The following LRFN5 variants were observed in gnomAD, a reference collection of about 807,000 sequenced individuals.
The protein encoded by LRFN5 is leucine rich repeat and fibronectin type III domain containing 5.
LRFN5 carries 24 observed loss-of-function variants against 45.6 expected under a neutral mutation model. The observed-to-expected ratio is 0.53, with a 90% CI of 0.38 to 0.74. The LOEUF is 0.74. Ranked by LOEUF, LRFN5 falls within the 30% of genes least tolerant of loss-of-function variation. The pLI is 0.00. For synonymous variants in LRFN5, 340 were observed against 313.8 expected (o/e 1.08, Z -0.88); for missense variants, 776 against 861.5 (o/e 0.90, Z 1.24).
chr14:41,887,583 T>A lies in LRFN5; in HGVS notation c.958T>A (p.Trp320Arg). 1 of 1,614,230 alleles carries A rather than the reference T, an allele frequency of 6.2e-7. No individual in the cohort carries two copies. The highest frequency in any genetic ancestry group is 8.5e-7 in the Non-Finnish European group (1 of 1,180,040). Residue 320 changes from tryptophan (W) to arginine (R), a missense_variant, in exon 3 of 6, where the codon TGG becomes AGG. Trp to Arg is a moderately radical substitution (Grantham distance 101, BLOSUM62 -3). This residue lies in a region of LRFN5 where 311 missense variants were observed against 405.1 expected (regional missense o/e 0.77). Coordinates refer to ENST00000298119, the MANE Select transcript of LRFN5 (RefSeq NM_152447.5). The surrounding 1 kb of genome is among the most constrained non-coding windows in gnomAD (Gnocchi z 4.8). ...ARGDPEPAIH[W>R]ISPEGKLISN... Reference sequence around the variant, plus strand: ...GGGAGACCCTGAGCCTGCAATTCACTGGATTTCTCCTGAAGGGAAGCTTAT... The same window carrying A: ...GGGAGACCCTGAGCCTGCAATTCACAGGATTTCTCCTGAAGGGAAGCTTAT...
intron 1 of LRFN5, among the ~76,000 whole-genome samples, chr14:41,611,348 T>C (rs983446278): frequency 6.6e-6 from 1 of 152,050 alleles, no homozygotes; most frequent in Admixed American, 6.5e-5. Context: ...TCTGGAAAAA[T>C]GGAGAGGGTA....
At chr14:41,858,022 G>A (rs1889532845) in intron 2 of LRFN5, among the ~76,000 whole-genome samples, 1 of 152,082 alleles carries the variant, frequency 6.6e-6, no homozygotes, top group African/African-American at 2.4e-5. Context: ...GAGCTAAATT[G>A]GAGAAAGTTT....
chr14:41,619,291 TTACTC>T (rs148563599), intron 1 of LRFN5, among the ~76,000 whole-genome samples: 2,354 of 152,198 alleles, frequency 0.015, 51 homozygotes, highest in African/African-American at 0.053. Context: ...ATGTATCAAA[TTACTC>T]TACAGGTATT....
chr14:41,658,332 A>G (rs1014399755), intron 1 of LRFN5, among the ~76,000 whole-genome samples: 2 of 152,036 alleles, frequency 1.3e-5, no homozygotes, highest in Admixed American at 6.6e-5. Context: ...TACTTGATAC[A>G]TTCCTGATCA....
At chr14:41,900,351 T>C (rs926927240) in intron 5 of LRFN5, among the ~76,000 whole-genome samples, 1 of 152,042 alleles carries the variant, frequency 6.6e-6, no homozygotes, top group Non-Finnish European at 1.5e-5. Context: ...ATTATTTTGC[T>C]TATGTATTTA....
At chr14:41,695,063 A>G (rs1368470957) in intron 1 of LRFN5, among the ~76,000 whole-genome samples, 1 of 151,996 alleles carries the variant, frequency 6.6e-6, no homozygotes, top group Admixed American at 6.6e-5. Context: ...TGAACACACA[A>G]ATAATAAGAA....
chr14:41,613,375 G>A (rs1887826398), intron 1 of LRFN5, among the ~76,000 whole-genome samples: 2 of 151,888 alleles, frequency 1.3e-5, no homozygotes, highest in Admixed American at 6.6e-5. Flanking sequence ...TTCCAACCAT[G>A]GCACATATTT....
In LRFN5 at chr14:41,886,985, T is replaced by G. The variant is rs1172260362; in HGVS notation, c.360T>G (p.Ser120Arg). ...CTAAAATTACAAATGATATGTTCAGTGGTCTTTCCAATCTTCATCATTTGA... is the reference window on the plus strand; with the variant it reads ...CTAAAATTACAAATGATATGTTCAGGGGTCTTTCCAATCTTCATCATTTGA... Reference protein sequence around the residue: ...RLTKITNDMFSGLSNLHHLIL... With the variant: ...RLTKITNDMFRGLSNLHHLIL... The change falls in exon 3 of 6, where the codon AGT becomes AGG. Residue 120 changes from serine (S) to arginine (R), a missense_variant. This residue lies in a region of LRFN5 where 311 missense variants were observed against 405.1 expected (regional missense o/e 0.77). Transcript: ENST00000298119. 6.2e-7 allele frequency: 1 copy of G among 1,614,056 alleles called. No homozygotes were observed. The highest frequency in any genetic ancestry group is 8.5e-7 in the Non-Finnish European group (1 of 1,180,028).
intron 1 of LRFN5, among the ~76,000 whole-genome samples, chr14:41,756,821 A>T (rs1885409950): frequency 6.6e-6 from 1 of 152,100 alleles, no homozygotes; most frequent in Admixed American, 6.5e-5. Flanking sequence ...CCCTTGGAGG[A>T]GGAGAGGTGC....
intron 2 of LRFN5, among the ~76,000 whole-genome samples, chr14:41,800,287 C>T (rs944884189): frequency 6.6e-6 from 1 of 151,834 alleles, no homozygotes; most frequent in Non-Finnish European, 1.5e-5. Context: ...ACAGATGAAA[C>T]CAAAAGAAAT....
intron 1 of LRFN5, among the ~76,000 whole-genome samples, chr14:41,702,619 C>T (rs577736504): frequency 1.3e-4 from 20 of 151,958 alleles, no homozygotes; most frequent in Non-Finnish European, 1.8e-4. Flanking sequence ...CATGCCACTG[C>T]GCCAGCTAAT....
At chr14:41,804,579 A>G (rs1887454273) in intron 2 of LRFN5, among the ~76,000 whole-genome samples, 1 of 152,072 alleles carries the variant, frequency 6.6e-6, no homozygotes, top group African/African-American at 2.4e-5. Context: ...TAGTTTTACA[A>G]AGGTGGTTCA....
At chr14:41,759,275 T>G (rs1349696875) in intron 1 of LRFN5, among the ~76,000 whole-genome samples, 4 of 152,168 alleles carry the variant, frequency 2.6e-5, no homozygotes, top group African/African-American at 9.6e-5. Flanking sequence ...ATACTCCATG[T>G]GGTCCTTAGT....
intron 5 of LRFN5, among the ~76,000 whole-genome samples, chr14:41,901,432 TTGTGTGTG>T (rs3032306): frequency 0.012 from 1,744 of 147,998 alleles, 18 homozygotes; most frequent in African/African-American, 0.031. Flanking sequence ...TATGTATGCA[TTGTGTGTG>T]TGTGTGTGTG....
At chr14:41,892,222 T>G (rs1890810839) in intron 4 of LRFN5, 3 of 985,166 alleles carry the variant, frequency 3.0e-6, no homozygotes, top group Non-Finnish European at 3.6e-6. Context: ...AAAATCATTT[T>G]GAGAACTCAC....
rs538895351 is a variant in LRFN5, at chr14:41,652,820, A to T, written c.-197+44258A>T. Among the ~76,000 whole-genome samples, 14 of 152,202 alleles carry T rather than the reference A, an allele frequency of 9.2e-5. No homozygotes were observed. The East Asian group carries it at 1.9e-3, about 21-fold the overall frequency. On this transcript the variant is annotated intron_variant, in intron 1 of 5. Coordinates refer to ENST00000298119, the MANE Select transcript of LRFN5 (RefSeq NM_152447.5). ...CCTTTTTCTCCACAACATCACCAGC[A>T]TCTGTTATTTTTTTTCCTTTTTAAT...
chr14:41,748,115 T>C (rs1169477127), intron 1 of LRFN5, among the ~76,000 whole-genome samples: 1 of 152,052 alleles, frequency 6.6e-6, no homozygotes, highest in Admixed American at 6.6e-5. Context: ...GAAAATAAGA[T>C]AGTTCCTCAA....
chr14:41,749,434 T>C (rs991765698), intron 1 of LRFN5, among the ~76,000 whole-genome samples: 6 of 152,092 alleles, frequency 3.9e-5, no homozygotes, highest in Admixed American at 2.0e-4. Context: ...ATAGATTCCA[T>C]AAAAAATGTG....
chr14:41,676,182 A>C (rs1457505100), intron 1 of LRFN5, among the ~76,000 whole-genome samples: 3 of 152,192 alleles, frequency 2.0e-5, no homozygotes, highest in African/African-American at 7.2e-5. Context: ...TTTTGCATGT[A>C]GTCTCTTGAA....
Sources: gnomAD v4.1 joint callset for allele counts (sites outside exome capture counted in the v4.1 genomes callset) on GRCh38, gnomAD v4.1.1 for gene constraint, gnomAD v4.1.1 regional missense constraint, Gnocchi (gnomAD v3.1) non-coding constraint, MANE v1.5 for transcripts, NCBI Gene and HGNC (gene_info 2026-07-23, HGNC 2026-07-21) for gene names.